Variants in DICER1 observed in about 807,000 individuals in gnomAD.
DICER1 encodes endoribonuclease Dicer.
DICER1 carries 43 observed loss-of-function variants against 194.1 expected under a neutral mutation model. The observed-to-expected ratio is 0.22, with a 90% CI of 0.17 to 0.29. The LOEUF is 0.29. Ranked by LOEUF, DICER1 falls within the 10% of genes least tolerant of loss-of-function variation. DICER1 has a pLI of 1.00. For synonymous variants in DICER1, 832 were observed against 820.5 expected (o/e 1.01, Z -0.24); for missense variants, 1,608 against 2,317.0 (o/e 0.69, Z 6.28).
chr14:95,157,512 C>T lies in DICER1; in HGVS notation c.-328G>A, dbSNP rs1372132951. 3 of 152,430 alleles carry T rather than the reference C, an allele frequency of 2.0e-5. No individual in the cohort carries two copies. Among genetic ancestry groups the T allele is most frequent in the African/African-American group, 7.2e-5 (3 of 41,444 alleles). 9.4% of individuals were successfully genotyped at this position (152,430 alleles called of 1,614,324 possible). On this transcript the variant is annotated 5_prime_UTR_variant, in exon 1 of 27. Transcript: ENST00000343455. Reference sequence around the variant, plus strand: ...ACGGCCCGCGGCAACGGCGCACAGCCGCTTGGAGAATCCCACTGGCTCCCG... The same window carrying T: ...ACGGCCCGCGGCAACGGCGCACAGCTGCTTGGAGAATCCCACTGGCTCCCG...
chr14:95,149,101 G>C (rs536074985), intron 1 of DICER1, among the ~76,000 whole-genome samples: 1 of 152,198 alleles, frequency 6.6e-6, no homozygotes, highest in South Asian at 2.1e-4. Flanking sequence ...TGCAACGAGT[G>C]CTAGAATTTT....
At position 95,133,381 on chromosome 14, in the gene DICER1, A is replaced by G. The variant is rs759653160; in HGVS notation, c.78T>C (p.Pro26=). The G allele has an allele frequency of 3.1e-6, 5 of 1,614,058 alleles. No homozygotes were observed. In the East Asian group the frequency reaches 1.1e-4, roughly 36 times the overall value. ...LMTPASSPMG[P]FFGLPWQQEA... Reference sequence around the variant, plus strand: ...CTTGTTGCCATGGCAGTCCAAAGAAAGGACCCATTGGTGAGGAAGCAGGGG... The same window carrying G: ...CTTGTTGCCATGGCAGTCCAAAGAAGGGACCCATTGGTGAGGAAGCAGGGG... The change falls in exon 2 of 27, where the codon CCT becomes CCC. Residue 26 remains proline (P), a synonymous_variant. Transcript: ENST00000343455.
In DICER1 at chr14:95,157,297, C is replaced by T. The variant is rs1295196733; in HGVS notation, c.-113G>A. On this transcript the variant is annotated 5_prime_UTR_variant, in exon 1 of 27. Transcript: ENST00000343455. ...CCGCTCCGGCGCGCGCGTCACAGCC[C>T]AGGCCTCCCGGAGCCGCCCGGCGCC... 6.5e-6 allele frequency: 1 copy of T among 154,464 alleles called. No homozygotes were observed. Among genetic ancestry groups the T allele is most frequent in the African/African-American group, 2.4e-5 (1 of 41,340 alleles). The allele number at this position is 154,464 out of a possible 1,614,324, so 9.6% of individuals were successfully genotyped here.
intron 8 of DICER1, among the ~76,000 whole-genome samples, chr14:95,119,262 T>C (rs1892743302): frequency 6.6e-6 from 1 of 152,172 alleles, no homozygotes; most frequent in Non-Finnish European, 1.5e-5. Context: ...AGCTAAGAAA[T>C]AGAGGCAACA....
intron 1 of DICER1, among the ~76,000 whole-genome samples, chr14:95,140,340 T>C (rs1044084512): frequency 1.3e-5 from 2 of 152,292 alleles, no homozygotes; most frequent in African/African-American, 2.4e-5. Context: ...ACCTTTTCTA[T>C]GCTTAGGTAT....
At chr14:95,123,864 A>G (rs963432264) in intron 8 of DICER1, among the ~76,000 whole-genome samples, 1 of 152,244 alleles carries the variant, frequency 6.6e-6, no homozygotes, top group Non-Finnish European at 1.5e-5. Context: ...GGATTAATAA[A>G]TATCTGAATT....
At chr14:95,090,849 T>C (rs760822229) in intron 26 of DICER1, 185 bp downstream of exon 26, 6 of 942,166 alleles carry the variant, frequency 6.4e-6, no homozygotes, top group Non-Finnish European at 9.9e-6. Context: ...CTAGTCTTTA[T>C]TACAGCATTA....
At position 95,126,626 on chromosome 14, in the gene DICER1, A is replaced by T; in HGVS notation, c.857T>A (p.Ile286Lys). 1 of 1,560,460 alleles carries T rather than the reference A, an allele frequency of 6.4e-7. No individual in the cohort carries two copies. Among genetic ancestry groups the T allele is most frequent in the South Asian group, 1.1e-5 (1 of 89,864 alleles). The change falls in exon 7 of 27, where the codon ATA becomes AAA. Residue 286 changes from isoleucine to lysine, a missense_variant. Ile to Lys is a moderately radical substitution (Grantham distance 102). This residue lies in a region of DICER1 where 657 missense variants were observed against 910.1 expected (regional missense o/e 0.72). Transcript: ENST00000343455. ...EALNFINDCNISVHSKERDST... is the reference protein window; with the variant it reads ...EALNFINDCNKSVHSKERDST... ...ATCTCTTTCTTTTGAATGTACAGATATATTACAATCATTGATAAAATTAAG... is the reference window on the plus strand; with the variant it reads ...ATCTCTTTCTTTTGAATGTACAGATTTATTACAATCATTGATAAAATTAAG...
In DICER1 at chr14:95,089,351, T is replaced by C; in HGVS notation, c.*1147A>G. 1 of 233,118 alleles carries C rather than the reference T, an allele frequency of 4.3e-6. No homozygotes were observed. Among genetic ancestry groups the C allele is most frequent in the Non-Finnish European group, 8.5e-6 (1 of 117,996 alleles). The allele number at this position is 233,118 out of a possible 1,614,324, so 14.4% of individuals were successfully genotyped here. On this transcript the variant is annotated 3_prime_UTR_variant, in exon 27 of 27. Coordinates refer to ENST00000343455, the MANE Select transcript of DICER1 (RefSeq NM_177438.3). ...CAGCACAGCTTTGGTAGGTGAAATA[T>C]GCATGCAACATTATGAAAAGTATAG...
At chr14:95,097,398 C>T (rs1006544852) in intron 22 of DICER1, among the ~76,000 whole-genome samples, 1 of 152,082 alleles carries the variant, frequency 6.6e-6, no homozygotes, top group African/African-American at 2.4e-5. Flanking sequence ...CTCTGAACTA[C>T]GGTAATCAGG....
intron 1 of DICER1, among the ~76,000 whole-genome samples, chr14:95,145,481 A>G (rs1181160049): frequency 6.6e-6 from 1 of 152,250 alleles, no homozygotes; most frequent in Non-Finnish European, 1.5e-5. Context: ...TTCTTAGGCA[A>G]TAAAATGTTT....
At chr14:95,140,554 G>A (rs979533314) in intron 1 of DICER1, 3 of 152,140 alleles carry the variant, frequency 2.0e-5, no homozygotes, top group African/African-American at 7.2e-5. Flanking sequence ...GCATTTCTCA[G>A]AAGATATCCA....
intron 14 of DICER1, among the ~76,000 whole-genome samples, chr14:95,110,730 G>C (rs1429213311): frequency 6.6e-6 from 1 of 152,162 alleles, no homozygotes; most frequent in Non-Finnish European, 1.5e-5. Context: ...AGCCAAGTTT[G>C]TCTATTACTA....
At chr14:95,104,978 G>T in intron 20 of DICER1, 93 bp downstream of exon 20, 1 of 1,266,882 alleles carries the variant, frequency 7.9e-7, no homozygotes, top group Non-Finnish European at 1.1e-6. Flanking sequence ...ACTCTTTTAA[G>T]AATTATTTTA....
At chr14:95,097,355 T>C (rs1890447879) in intron 22 of DICER1, among the ~76,000 whole-genome samples, 1 of 152,144 alleles carries the variant, frequency 6.6e-6, no homozygotes, top group Non-Finnish European at 1.5e-5. Context: ...TGCACTAAGC[T>C]ATGAATTTGA....
chr14:95,099,013 G>A (rs1890615604), intron 22 of DICER1, among the ~76,000 whole-genome samples: 1 of 152,122 alleles, frequency 6.6e-6, no homozygotes, highest in South Asian at 2.1e-4. Context: ...TATCATTGTT[G>A]GCCTGAGGTA....
chr14:95,105,511 A>C lies in DICER1; in HGVS notation c.3093+167T>G, dbSNP rs902799402. 6.6e-6 allele frequency among the ~76,000 whole-genome samples: 1 copy of C among 152,254 alleles called. No homozygotes were observed. The highest frequency in any genetic ancestry group is 2.4e-5 in the African/African-American group (1 of 41,474). On this transcript the variant is annotated intron_variant, in intron 19 of 26. Coordinates refer to ENST00000343455, the MANE Select transcript of DICER1 (RefSeq NM_177438.3). This position sits in a 1 kb window ranked among gnomAD's most constrained non-coding sequence, Gnocchi z 4.9. ...AAAGAACATTCAAATAACATTCAAC[A>C]CATAATACTAATTAAAACAAAACAA...
chr14:95,102,568 C>T (rs1890976721), intron 21 of DICER1, among the ~76,000 whole-genome samples: 1 of 152,166 alleles, frequency 6.6e-6, no homozygotes, highest in Non-Finnish European at 1.5e-5. Flanking sequence ...GTCAACTTGC[C>T]TCCTCCATTA....
At chr14:95,094,391 A>G (rs1421836966) in intron 23 of DICER1, among the ~76,000 whole-genome samples, 2 of 152,242 alleles carry the variant, frequency 1.3e-5, no homozygotes, top group Non-Finnish European at 2.9e-5. Flanking sequence ...CAAGTGGTCA[A>G]AAGACTAACG....
Sources: gnomAD v4.1 joint callset for allele counts (sites outside exome capture counted in the v4.1 genomes callset) on GRCh38, gnomAD v4.1.1 for gene constraint, gnomAD v4.1.1 regional missense constraint, Gnocchi (gnomAD v3.1) non-coding constraint, MANE v1.5 for transcripts, NCBI Gene and HGNC (gene_info 2026-07-23, HGNC 2026-07-21) for gene names.